Variants in FRY observed in about 807,000 individuals in gnomAD.
FRY encodes FRY microtubule binding protein.
Under a neutral mutation model 348.4 loss-of-function variants are expected in FRY, and 128 were observed. The ratio of observed to expected loss-of-function variants is 0.37; its 90% CI spans 0.32 to 0.43. FRY has a LOEUF of 0.43. Ranked by LOEUF, FRY falls within the 20% of genes least tolerant of loss-of-function variation. FRY has a pLI of 1.00. For synonymous variants in FRY, 1,370 were observed against 1,374.7 expected (o/e 1.00, Z 0.08); for missense variants, 2,736 against 3,695.2 (o/e 0.74, Z 6.73).
intron 58 of FRY, among the ~76,000 whole-genome samples, chr13:32,280,401 C>T (rs1888752369): frequency 6.6e-6 from 1 of 152,128 alleles, no homozygotes; most frequent in Non-Finnish European, 1.5e-5. Context: ...TAGATTTTCA[C>T]TGAATAACCT....
chr13:32,193,549 A>G (rs1883481339), intron 28 of FRY, among the ~76,000 whole-genome samples: 1 of 151,942 alleles, frequency 6.6e-6, no homozygotes, highest in Non-Finnish European at 1.5e-5. Flanking sequence ...ATTTTTCAGA[A>G]ATATTTTAAA....
At chr13:32,211,438 G>A (rs1226430683) in intron 34 of FRY, among the ~76,000 whole-genome samples, 2 of 152,184 alleles carry the variant, frequency 1.3e-5, no homozygotes, top group Non-Finnish European at 2.9e-5. Context: ...CAGCTTGGGC[G>A]ACAGAGCAAG....
At chr13:32,062,915 C>T (rs1340867562) in intron 1 of FRY, among the ~76,000 whole-genome samples, 1 of 149,138 alleles carries the variant, frequency 6.7e-6, no homozygotes, top group African/African-American at 2.4e-5. Context: ...ATATATAATG[C>T]ATATGCATAT....
At chr13:32,193,675 T>C (rs563839602) in intron 28 of FRY, among the ~76,000 whole-genome samples, 4 of 144,772 alleles carry the variant, frequency 2.8e-5, no homozygotes, top group African/African-American at 1.0e-4. Context: ...AACCTCTGCC[T>C]CCCAGGTTTA....
intron 51 of FRY, among the ~76,000 whole-genome samples, chr13:32,259,003 A>C (rs1244473961): frequency 1.3e-5 from 2 of 152,236 alleles, no homozygotes; most frequent in Non-Finnish European, 2.9e-5. Context: ...TAACATTTAT[A>C]GAATGTTTAA....
intron 35 of FRY, 72 bp from the exon 36 acceptor site, chr13:32,218,677 C>CAAAAAAAAAAAAAAAAAAAACACAAAAAA: frequency 1.7e-6 from 1 of 573,462 alleles, no homozygotes; most frequent in Non-Finnish European, 3.0e-6. Context: ...GACTCCAACT[C>CAAAAAAAAAAAAAAAAAAAACACAAAAAA]AAAAAAAAAA....
chr13:32,048,082 A>C (rs1229940412), intron 1 of FRY, among the ~76,000 whole-genome samples: 1 of 152,170 alleles, frequency 6.6e-6, no homozygotes, highest in Non-Finnish European at 1.5e-5. Context: ...TCTGTGGCTA[A>C]GAATCAACCG....
chr13:32,251,765 T>A, intron 49 of FRY, 113 bp from the exon 50 acceptor site: 1 of 750,308 alleles, frequency 1.3e-6, no homozygotes, highest in Non-Finnish European at 2.5e-6. Flanking sequence ...ATTTTACATT[T>A]CATTCTGTCT....
intron 17 of FRY, among the ~76,000 whole-genome samples, chr13:32,162,643 G>A (rs1881515785): frequency 6.6e-6 from 1 of 152,074 alleles, no homozygotes; most frequent in Non-Finnish European, 1.5e-5. Flanking sequence ...GAATGTGAAG[G>A]TTTCCTGAAG....
chr13:32,143,217 T>TA (rs1297805315), intron 11 of FRY, among the ~76,000 whole-genome samples: 1 of 152,006 alleles, frequency 6.6e-6, no homozygotes, highest in Non-Finnish European at 1.5e-5. Flanking sequence ...TGCAGGAAAG[T>TA]AAAAAAACAT....
intron 1 of FRY, among the ~76,000 whole-genome samples, chr13:32,073,631 G>C (rs538242181): frequency 6.6e-5 from 10 of 152,162 alleles, no homozygotes; most frequent in African/African-American, 2.4e-4. Context: ...ATTAGAGTAG[G>C]AACTATCACT....
intron 1 of FRY, among the ~76,000 whole-genome samples, chr13:32,032,868 C>A (rs551565175): frequency 6.6e-6 from 1 of 152,300 alleles, no homozygotes; most frequent in South Asian, 2.1e-4. Flanking sequence ...TACTGATTAA[C>A]CTACCTGTGC....
intron 47 of FRY, among the ~76,000 whole-genome samples, chr13:32,245,110 C>T (rs989651767): frequency 3.3e-5 from 5 of 151,930 alleles, no homozygotes; most frequent in East Asian, 2.0e-4. Flanking sequence ...CCACCACGCC[C>T]GGCTAATTTT....
intron 2 of FRY, among the ~76,000 whole-genome samples, chr13:32,089,605 C>CA (rs1416018895): frequency 5.3e-5 from 8 of 151,994 alleles, no homozygotes; most frequent in South Asian, 2.1e-4. Context: ...TCTCTATCTA[C>CA]AAAAAATAAA....
At chr13:32,180,257 C>T (rs1380463981) in intron 23 of FRY, among the ~76,000 whole-genome samples, 1 of 150,518 alleles carries the variant, frequency 6.6e-6, no homozygotes, top group African/African-American at 2.4e-5. Context: ...TTTCTTGAGA[C>T]GGAGTCTCGC....
intron 17 of FRY, among the ~76,000 whole-genome samples, chr13:32,162,107 A>G (rs1881476617): frequency 6.6e-6 from 1 of 152,252 alleles, no homozygotes; most frequent in Non-Finnish European, 1.5e-5. Context: ...GGAAATTGAA[A>G]TAAGACTGAA....
At chr13:32,056,753 A>G (rs1011841368) in intron 1 of FRY, among the ~76,000 whole-genome samples, 2 of 152,198 alleles carry the variant, frequency 1.3e-5, no homozygotes, top group Admixed American at 1.3e-4. Flanking sequence ...TCTATTGTTA[A>G]TTGCCATATT....
chr13:32,050,207 C>T (rs531086849), intron 1 of FRY, among the ~76,000 whole-genome samples: 2 of 152,252 alleles, frequency 1.3e-5, no homozygotes, highest in South Asian at 4.2e-4. Flanking sequence ...AAACAAATAC[C>T]TAATGGATAC....
chr13:32,209,794 A>G (rs1227617846), intron 33 of FRY, 63 bp downstream of exon 33: 8 of 1,501,780 alleles, frequency 5.3e-6, no homozygotes, highest in Admixed American at 5.0e-5. Flanking sequence ...TGCAATTTGC[A>G]AGTCAGAATG....
Sources: gnomAD v4.1 joint callset for allele counts (sites outside exome capture counted in the v4.1 genomes callset) on GRCh38, gnomAD v4.1.1 for gene constraint, MANE v1.5 for transcripts, NCBI Gene and HGNC (gene_info 2026-07-23, HGNC 2026-07-21) for gene names.